The following RORA variants were observed in gnomAD, a reference collection of about 807,000 sequenced individuals.
RORA encodes the protein nuclear receptor ROR-alpha.
RORA carries 7 observed loss-of-function variants against 69.5 expected under a neutral mutation model. The ratio of observed to expected loss-of-function variants is 0.10; its 90% confidence interval spans 0.06 to 0.19. The LOEUF is 0.19. Among genes scored for constraint, RORA ranks in the 10% least tolerant of loss-of-function variants. The pLI, the probability that RORA is intolerant of heterozygous loss-of-function variation, is 1.00. For missense variants in RORA, 457 were observed against 663.0 expected (o/e 0.69, Z 3.41); for synonymous variants, 261 against 240.8 (o/e 1.08, Z -0.78).
At chr15:60,827,059 C>T (rs2072973483) in intron 1 of RORA, among the ~76,000 whole-genome samples, 1 of 152,106 alleles carries the variant, frequency 6.6e-6, no homozygotes, top group South Asian at 2.1e-4. Context: ...AATATTAACG[C>T]CATTTCTACA....
intron 1 of RORA, among the ~76,000 whole-genome samples, chr15:60,963,011 G>A (rs1315617764): frequency 6.6e-6 from 1 of 152,210 alleles, no homozygotes; most frequent in Non-Finnish European, 1.5e-5. Context: ...TTAAGTAAAT[G>A]TATCTAATCA....
chr15:61,140,878 C>T (rs983904815), intron 1 of RORA, among the ~76,000 whole-genome samples: 4 of 152,022 alleles, frequency 2.6e-5, no homozygotes, highest in Non-Finnish European at 2.9e-5. Context: ...ACAAAATACA[C>T]CAAACACCTT....
chr15:60,852,989 T>C (rs974187710), intron 1 of RORA, among the ~76,000 whole-genome samples: 2 of 152,272 alleles, frequency 1.3e-5, no homozygotes, highest in African/African-American at 2.4e-5. Context: ...AGATTGCCGG[T>C]AATATCCTTT....
chr15:60,919,350 G>A (rs750552557), intron 1 of RORA, among the ~76,000 whole-genome samples: 33 of 152,202 alleles, frequency 2.2e-4, no homozygotes, highest in Non-Finnish European at 4.6e-4. Flanking sequence ...CAGGGGTGAA[G>A]GAAGGTATGG....
intron 1 of RORA, among the ~76,000 whole-genome samples, chr15:61,048,445 T>C (rs1241403756): frequency 6.6e-6 from 1 of 152,198 alleles, no homozygotes; most frequent in African/African-American, 2.4e-5. Context: ...ATGCAGGGTC[T>C]CTGCCCTCTG....
intron 3 of RORA, among the ~76,000 whole-genome samples, chr15:60,526,652 G>A (rs1056414702): frequency 2.0e-5 from 3 of 152,182 alleles, no homozygotes; most frequent in Non-Finnish European, 4.4e-5. Context: ...TGCAATAACA[G>A]CTTGTCCTCC....
intron 1 of RORA, among the ~76,000 whole-genome samples, chr15:60,748,038 C>G (rs2071672752): frequency 6.6e-6 from 1 of 152,130 alleles, no homozygotes; most frequent in African/African-American, 2.4e-5. Flanking sequence ...TACAAGCAAA[C>G]TTGCTCGCCC....
intron 1 of RORA, among the ~76,000 whole-genome samples, chr15:60,977,399 G>A (rs1022397361): frequency 6.6e-6 from 1 of 151,844 alleles, no homozygotes; most frequent in African/African-American, 2.4e-5. Context: ...ATTTAAGTAA[G>A]TATATAATTA....
chr15:61,005,697 A>T (rs1894889719), intron 1 of RORA, among the ~76,000 whole-genome samples: 1 of 152,176 alleles, frequency 6.6e-6, no homozygotes, highest in Admixed American at 6.5e-5. Context: ...CTTAACACTC[A>T]CAACAACACA....
intron 2 of RORA, chr15:60,592,422 G>A (rs2140525061): frequency 7.0e-7 from 1 of 1,433,060 alleles, no homozygotes; most frequent in Non-Finnish European, 9.2e-7. Context: ...CATCATTTAA[G>A]CCGCGGTGCG....
chr15:60,978,961 C>T lies in RORA; in HGVS notation c.166+250092G>A, dbSNP rs1156275341. 3.2e-3 allele frequency among the ~76,000 whole-genome samples: 307 copies of T among 95,142 alleles called. 3 individuals carry two copies. The highest frequency in any genetic ancestry group is 0.011 in the African/African-American group (264 of 24,436). 62.4% of individuals were successfully genotyped at this position (95,142 alleles called of 152,430 possible). ...GAAGTGTGAGTCCTCCAACTTTGCT[C>T]TTTTTTTTTTTTTTTTTTGAGACGG... On this transcript the variant is annotated intron_variant, in intron 1 of 10. Transcript: ENST00000335670.
intron 2 of RORA, among the ~76,000 whole-genome samples, chr15:60,673,156 C>T (rs2070500221): frequency 6.6e-6 from 1 of 152,184 alleles, no homozygotes; most frequent in Non-Finnish European, 1.5e-5. Flanking sequence ...TCATGAACCT[C>T]AAGTCTACTA....
chr15:60,998,240 T>A (rs1894624778), intron 1 of RORA, among the ~76,000 whole-genome samples: 1 of 152,158 alleles, frequency 6.6e-6, no homozygotes, highest in South Asian at 2.1e-4. Flanking sequence ...CACAGCTCAC[T>A]GTAGCCTCAA....
At chr15:61,031,773 T>C (rs1896182438) in intron 1 of RORA, among the ~76,000 whole-genome samples, 1 of 152,190 alleles carries the variant, frequency 6.6e-6, no homozygotes. Flanking sequence ...AAATCTGCTA[T>C]TACTTGTTCC....
chr15:60,562,051 C>T (rs891390790), intron 2 of RORA, among the ~76,000 whole-genome samples: 4 of 151,922 alleles, frequency 2.6e-5, no homozygotes, highest in Non-Finnish European at 5.9e-5. Context: ...TCAAGCGATT[C>T]TCCTGCCTCA....
At chr15:61,072,150 G>A (rs1321688296) in intron 1 of RORA, among the ~76,000 whole-genome samples, 6 of 152,112 alleles carry the variant, frequency 3.9e-5, no homozygotes, top group Non-Finnish European at 8.8e-5. Flanking sequence ...GTTTATACAC[G>A]GACAGGATTG....
chr15:60,863,843 G>A (rs1056650218), intron 1 of RORA, among the ~76,000 whole-genome samples: 19 of 149,614 alleles, frequency 1.3e-4, no homozygotes, highest in Admixed American at 4.0e-4. Flanking sequence ...GTCTCGCTCT[G>A]TCGCCCAGGC....
At chr15:60,558,359 A>T (rs1034458916) in intron 2 of RORA, 2 of 1,179,460 alleles carry the variant, frequency 1.7e-6, no homozygotes, top group Admixed American at 3.5e-5. Flanking sequence ...GGCATTAATT[A>T]GTTGGCCACT....
chr15:60,962,411 A>G (rs1330961577), intron 1 of RORA, among the ~76,000 whole-genome samples: 1 of 152,208 alleles, frequency 6.6e-6, no homozygotes, highest in Non-Finnish European at 1.5e-5. Context: ...AAGTACTAAG[A>G]AGGTTCTCAG....
Sources: allele counts gnomAD v4.1 joint callset (sites outside exome capture counted in the v4.1 genomes callset), GRCh38; gene constraint gnomAD v4.1.1; transcripts MANE v1.5; gene names NCBI Gene and HGNC (gene_info 2026-07-23, HGNC 2026-07-21).